CBLN1: variants seen among roughly 807,000 people sequenced by gnomAD.
CBLN1 encodes cerebellin-1.
In CBLN1, 5 loss-of-function variants were observed where a neutral mutation model predicts 15.9. The ratio of observed to expected loss-of-function variants is 0.31; its 90% CI spans 0.16 to 0.66. The LOEUF (loss-of-function observed/expected upper bound fraction) is 0.66. CBLN1 is among the 30% of genes least tolerant of loss of function. CBLN1 has a pLI of 0.75. For synonymous variants in CBLN1, 90 were observed against 107.6 expected, an observed-to-expected ratio of 0.84 and a Z score of 1.01; for missense variants, 164 against 253.7, an observed-to-expected ratio of 0.65 and a Z score of 2.40.
intron 2 of CBLN1, 115 bp from the exon 3 acceptor site, chr16:49,279,716 A>AGGGGGGGGGGGGGGGGGGGG: frequency 6.2e-6 from 1 of 160,522 alleles, no homozygotes; most frequent in Non-Finnish European, 1.1e-5. Context: ...AAGCACGGAG[A>AGGGGGGGGGGGGGGGGGGGG]GGTGGGGGGT....
chr16:49,279,475 G>A lies in CBLN1; in HGVS notation c.511C>T (p.Leu171=), dbSNP rs753937880. The A allele has an allele frequency of 6.2e-7, 1 of 1,614,182 alleles. No individual in the cohort carries two copies. Among genetic ancestry groups the A allele is most frequent in the South Asian group, 1.1e-5 (1 of 91,080 alleles). The change falls in exon 3 of 3, where the codon CTG becomes TTG. Residue 171 remains leucine, a synonymous_variant. Transcript: ENST00000219197. ...MEKGDRAYLK[L]ERGNLMGGWK... is the part of the protein sequence containing the mutation. ...CCCCCCATCAAGTTTCCCCGCTCCA[G>A]CTTGAGGTATGCTCGGTCGCCTTTC...
At position 49,280,980 on chromosome 16, in the gene CBLN1, T is replaced by C; in HGVS notation, c.327A>G (p.Lys109=). The C allele has an allele frequency of 6.2e-7, 1 of 1,614,192 alleles. No individual in the cohort carries two copies. The highest frequency in any genetic ancestry group is 8.5e-7 in the Non-Finnish European group (1 of 1,180,024). ...SERSTFIAPR[K]GIYSFNFHVV... ...CGTGGAAGTTAAAACTGTAGATCCC[T>C]TTGCGCGGGGCGATGAAAGTGCTGC... The change falls in exon 2 of 3, where the codon AAA becomes AAG. Residue 109 remains lysine, a synonymous_variant. Coordinates refer to ENST00000219197, the MANE Select transcript of CBLN1 (RefSeq NM_004352.4).
At position 49,281,666 on chromosome 16, in the gene CBLN1, G is replaced by A. The variant is rs1156878834; in HGVS notation, c.-201C>T. ...AGCGTCCCCTCCGCGCTGTGTTCCC[G>A]GAGCCCCTCCCGGGCCTCAGGGGTG... is the stretch of plus-strand genomic sequence containing the variant. On this transcript the variant is annotated 5_prime_UTR_variant, in exon 1 of 3. Coordinates refer to ENST00000219197, the MANE Select transcript of CBLN1 (RefSeq NM_004352.4). 1.5e-5 allele frequency: 6 copies of A among 399,876 alleles called. No homozygotes were observed. In the East Asian group the frequency reaches 2.3e-4, roughly 16 times the overall value. The allele number at this position is 399,876 out of a possible 1,614,324, so 24.8% of individuals were successfully genotyped here.
chr16:49,281,217 G>T lies in CBLN1; in HGVS notation c.249C>A (p.Ile83=), dbSNP rs140972426. The part of the protein sequence containing the change: ...EPSEMSNRTM[I]IYFDQVLVNI... ...GAACACTCACCTGGTCGAAGTAGAT[G>T]ATCATGGTGCGATTACTCATCTCGG... Residue 83 remains isoleucine, a synonymous_variant, in exon 1 of 3, where the codon ATC becomes ATA. Coordinates refer to ENST00000219197, the MANE Select transcript of CBLN1 (RefSeq NM_004352.4). 1.3e-5 allele frequency: 21 copies of T among 1,614,046 alleles called. No individual in the cohort carries two copies. In the Middle Eastern group the frequency reaches 6.6e-4, roughly 51 times the overall value.
chr16:49,280,978 C>T lies in CBLN1; in HGVS notation c.329G>A (p.Gly110Glu), dbSNP rs751829858. Residue 110 changes from glycine to glutamate, a missense_variant, in exon 2 of 3, where the codon GGG (glycine) becomes GAG (glutamate). Transcript: ENST00000219197. ...CACGTGGAAGTTAAAACTGTAGATC[C>T]CTTTGCGCGGGGCGATGAAAGTGCT... Reference protein sequence around the residue: ...ERSTFIAPRKGIYSFNFHVVK... With the variant: ...ERSTFIAPRKEIYSFNFHVVK... 6.2e-7 allele frequency: 1 copy of T among 1,614,208 alleles called. No homozygotes were observed. The highest frequency in any genetic ancestry group is 1.7e-5 in the Admixed American group (1 of 60,032).
Position 49,281,527 on chromosome 16 carries a change from C to A in CBLN1, c.-62G>T. On this transcript the variant is annotated 5_prime_UTR_variant, in exon 1 of 3. Coordinates refer to ENST00000219197, the MANE Select transcript of CBLN1 (RefSeq NM_004352.4). ...GGCTGCTCGCGCCAGCCGCCCCCCC[C>A]GTCCCAGTCCCGCTCCGAAGCCCCC... is the stretch of plus-strand genomic sequence containing the variant. 6 of 1,209,716 alleles carry A rather than the reference C, an allele frequency of 5.0e-6. No homozygotes were observed. Among genetic ancestry groups the A allele is most frequent in the Non-Finnish European group, 5.3e-6 (5 of 940,400 alleles). The allele number at this position is 1,209,716 out of a possible 1,614,324, so 74.9% of individuals were successfully genotyped here. A position where few individuals can be genotyped will look rare whatever the true frequency, so the allele number is the denominator to read the frequency against.
intron 2 of CBLN1, 99 bp downstream of exon 2, chr16:49,280,824 C>T: frequency 7.3e-7 from 1 of 1,373,828 alleles, no homozygotes; most frequent in Non-Finnish European, 1.0e-6. Flanking sequence ...GAAGTACATG[C>T]AGCCGCCACT....
Position 49,278,427 on chromosome 16 carries a change from A to T in CBLN1, c.*977T>A, listed in dbSNP as rs1963222745. The T allele has an allele frequency of 6.6e-6, 1 of 152,160 alleles. No homozygotes were observed. The highest frequency in any genetic ancestry group is 1.5e-5 in the Non-Finnish European group (1 of 68,022). 9.4% of individuals were successfully genotyped at this position (152,160 alleles called of 1,614,324 possible). On this transcript the variant is annotated 3_prime_UTR_variant, in exon 3 of 3. Transcript: ENST00000219197. The stretch of plus-strand genomic sequence containing the variant: ...GGCCTTTCTATGGTTGCGTTCCCCC[A>T]AGTCTCCTGCCTTTCGGAACCTCGC...
At position 49,281,360 on chromosome 16, in the gene CBLN1, C is replaced by G; in HGVS notation, c.106G>C (p.Val36Leu). Residue 36 changes from valine (V) to leucine (L), a missense_variant, in exon 1 of 3, where the codon GTG becomes CTG. By Grantham distance (32) the Val-to-Leu change is conservative. Coordinates refer to ENST00000219197, the MANE Select transcript of CBLN1 (RefSeq NM_004352.4). The stretch of plus-strand genomic sequence containing the variant: ...GACGTGGGGTTGGAGTCGCACACCA[C>G]CAGGCACTTGCCCTCCAGCACGATG... ...EPIVLEGKCL[V>L]VCDSNPTSDP... is the part of the protein sequence containing the mutation. 6.2e-7 allele frequency: 1 copy of G among 1,611,044 alleles called. No individual in the cohort carries two copies. The highest frequency in any genetic ancestry group is 8.5e-7 in the Non-Finnish European group (1 of 1,179,978).
chr16:49,281,661 T>G lies in CBLN1; in HGVS notation c.-196A>C. The G allele has an allele frequency of 6.6e-5, 25 of 376,276 alleles. No homozygotes were observed. Among genetic ancestry groups the G allele is most frequent in the Admixed American group, 1.4e-4 (3 of 21,128 alleles). 23.3% of individuals were successfully genotyped at this position (376,276 alleles called of 1,614,324 possible). On this transcript the variant is annotated 5_prime_UTR_variant, in exon 1 of 3. Coordinates refer to ENST00000219197, the MANE Select transcript of CBLN1 (RefSeq NM_004352.4). ...CGACTAGCGTCCCCTCCGCGCTGTG[T>G]TCCCGGAGCCCCTCCCGGGCCTCAG...
chr16:49,279,079 TTAAA>T lies in CBLN1; in HGVS notation c.*321_*324del. 1 of 340,802 alleles carries T rather than the reference TTAAA, an allele frequency of 2.9e-6. No homozygotes were observed. Among genetic ancestry groups the T allele is most frequent in the South Asian group, 4.4e-5 (1 of 22,804 alleles). 21.1% of individuals were successfully genotyped at this position (340,802 alleles called of 1,614,324 possible). On this transcript the variant is annotated 3_prime_UTR_variant, in exon 3 of 3. Coordinates refer to ENST00000219197, the MANE Select transcript of CBLN1 (RefSeq NM_004352.4). The stretch of plus-strand genomic sequence containing the variant: ...TTATGTAGTGAAATACAAAGTTTCT[TTAAA>T]TAAATTGCAGGGAACATGAAGTTGG...
At chr16:49,280,847 C>G in intron 2 of CBLN1, 76 bp downstream of exon 2, 1 of 1,572,482 alleles carries the variant, frequency 6.4e-7, no homozygotes. Context: ...TGCCTACCAC[C>G]TCCGGACAGC....
chr16:49,281,188 G>A lies in CBLN1; in HGVS notation c.264+14C>T. The A allele has an allele frequency of 6.2e-7, 1 of 1,614,186 alleles. No individual in the cohort carries two copies. The highest frequency in any genetic ancestry group is 1.6e-4 in the Middle Eastern group (1 of 6,062). ...CAGCCCAATCTGCACGCCGCGGGAG[G>A]AAGGAACACTCACCTGGTCGAAGTA... On this transcript the variant is annotated intron_variant, in intron 1 of 2. Transcript: ENST00000219197.
At chr16:49,281,104 G>C in intron 1 of CBLN1, 62 bp from the exon 2 acceptor site, 1 of 1,614,016 alleles carries the variant, frequency 6.2e-7, no homozygotes, top group South Asian at 1.1e-5. Flanking sequence ...TCGTCCCCGC[G>C]CCTCCGCAGA....
chr16:49,279,747 A>C, intron 2 of CBLN1, 146 bp from the exon 3 acceptor site: 3 of 674,102 alleles, frequency 4.5e-6, no homozygotes, highest in Non-Finnish European at 5.0e-6. Flanking sequence ...AATGGAGGAA[A>C]AGGGGCTTTG....
chr16:49,281,237 T>C lies in CBLN1; in HGVS notation c.229A>G (p.Met77Val). Residue 77 changes from methionine to valine, a missense_variant, in exon 1 of 3, where the codon ATG (methionine) becomes GTG (valine). Met to Val is a conservative substitution (Grantham distance 21). This residue lies in a region of CBLN1 where 127 missense variants were observed against 179.7 expected (regional missense o/e 0.71). Coordinates refer to ENST00000219197, the MANE Select transcript of CBLN1 (RefSeq NM_004352.4). ...IRSTNHEPSEMSNRTMIIYFD... is the reference protein window; with the variant it reads ...IRSTNHEPSEVSNRTMIIYFD... ...TAGATGATCATGGTGCGATTACTCA[T>C]CTCGGACGGCTCGTGGTTGGTGCTC... The C allele has an allele frequency of 6.2e-7, 1 of 1,614,090 alleles. No homozygotes were observed. The highest frequency in any genetic ancestry group is 8.5e-7 in the Non-Finnish European group (1 of 1,180,034).
intron 2 of CBLN1, among the ~76,000 whole-genome samples, chr16:49,280,452 C>T (rs11076478): frequency 0.68 from 104,053 of 151,986 alleles, 35,938 homozygotes; most frequent in East Asian, 0.92. Flanking sequence ...ACAGTCCGCA[C>T]GGGGTGGGGA....
At position 49,279,391 on chromosome 16, in the gene CBLN1, G is replaced by T. The variant is rs199635105; in HGVS notation, c.*13C>A. 1.4e-4 allele frequency: 220 copies of T among 1,613,094 alleles called. No individual in the cohort carries two copies. The highest frequency in any genetic ancestry group is 8.2e-4 in the Middle Eastern group (5 of 6,062). ...TTCGCCCTCTCCCTGCCTCCCTTCC[G>T]GCTACGAGCCAGTCAGAGAGGAAAC... On this transcript the variant is annotated 3_prime_UTR_variant, in exon 3 of 3. Coordinates refer to ENST00000219197, the MANE Select transcript of CBLN1 (RefSeq NM_004352.4).
At position 49,280,867 on chromosome 16, in the gene CBLN1, C is replaced by G. The variant is rs369621741; in HGVS notation, c.384+56G>C. 614 of 1,610,788 alleles carry G rather than the reference C, an allele frequency of 3.8e-4. 1 individual carries two copies. In the African/African-American group the frequency reaches 7.3e-3, roughly 19 times the overall value. The stretch of plus-strand genomic sequence containing the variant: ...ACCACCTCCGGACAGCCCGAGCACC[C>G]CTGAGGCCAGTAACCCCCCTACGGG... On this transcript the variant is annotated intron_variant, in intron 2 of 2. Coordinates refer to ENST00000219197, the MANE Select transcript of CBLN1 (RefSeq NM_004352.4).
Sources: allele counts gnomAD v4.1 joint callset (sites outside exome capture counted in the v4.1 genomes callset), GRCh38; gene constraint gnomAD v4.1.1; regional missense constraint gnomAD v4.1.1; transcripts MANE v1.5; gene names NCBI Gene and HGNC (gene_info 2026-07-23, HGNC 2026-07-21).